The following TNFRSF9 variants were observed in gnomAD, a reference collection of about 807,000 sequenced individuals.
The protein encoded by TNFRSF9 is tumor necrosis factor receptor superfamily member 9.
Under a neutral mutation model 28.8 loss-of-function variants are expected in TNFRSF9, and 16 were observed. The observed-to-expected ratio is 0.55, with a 90% CI of 0.38 to 0.84. TNFRSF9 has a LOEUF of 0.84. TNFRSF9 is among the 40% of genes least tolerant of loss of function. TNFRSF9 has a pLI of 0.00. For missense variants in TNFRSF9, 303 were observed against 315.0 expected (o/e 0.96, Z 0.29); for synonymous variants, 131 against 117.0 (o/e 1.12, Z -0.77).
intron 5 of TNFRSF9, among the ~76,000 whole-genome samples, chr1:7,937,332 A>G (rs955802940): frequency 3.9e-5 from 6 of 152,048 alleles, no homozygotes; most frequent in African/African-American, 1.4e-4. Flanking sequence ...ATGCCTGGCT[A>G]ATTTTTTGAT....
At chr1:7,927,086 G>A (rs1351462707) in intron 7 of TNFRSF9, among the ~76,000 whole-genome samples, 1 of 151,942 alleles carries the variant, frequency 6.6e-6, no homozygotes, top group Non-Finnish European at 1.5e-5. Context: ...ACCCAGGCAT[G>A]CAGAGAGCCA....
chr1:7,936,745 G>A (rs76556415), intron 5 of TNFRSF9, among the ~76,000 whole-genome samples: 2 of 152,092 alleles, frequency 1.3e-5, no homozygotes, highest in Non-Finnish European at 2.9e-5. Context: ...AACGGAAAAA[G>A]AACAAATACA....
At chr1:7,925,748 C>G (rs572574431) in intron 7 of TNFRSF9, among the ~76,000 whole-genome samples, 3 of 152,066 alleles carry the variant, frequency 2.0e-5, no homozygotes, top group Non-Finnish European at 4.4e-5. Flanking sequence ...CTCGATCCCT[C>G]GTATGCGCAG....
chr1:7,925,265 G>A (rs899004149), intron 7 of TNFRSF9, among the ~76,000 whole-genome samples: 8 of 150,588 alleles, frequency 5.3e-5, no homozygotes, highest in Non-Finnish European at 1.0e-4. Context: ...CCAAGATCTC[G>A]CCACTGCATT....
At chr1:7,928,150 G>A (rs1298115034) in intron 7 of TNFRSF9, among the ~76,000 whole-genome samples, 1 of 152,136 alleles carries the variant, frequency 6.6e-6, no homozygotes, top group Admixed American at 6.6e-5. Flanking sequence ...TAAAAATTGT[G>A]GCAATGCAAA....
chr1:7,939,890 C>T lies in TNFRSF9; in HGVS notation c.100+5G>A, dbSNP rs773125491. On this transcript the variant is annotated splice_donor_5th_base_variant and intron_variant, in intron 2 of 7. Coordinates refer to ENST00000377507, the MANE Select transcript of TNFRSF9 (RefSeq NM_001561.6). ...ATCAAATGCACATGATAACTGGGTA[C>T]TCACCAGCTGGGCAGTTACTACAAG... 6.3e-7 allele frequency: 1 copy of T among 1,591,238 alleles called. No homozygotes were observed. The highest frequency in any genetic ancestry group is 8.6e-7 in the Non-Finnish European group (1 of 1,161,878).
chr1:7,927,308 G>A (rs920193626), intron 7 of TNFRSF9, among the ~76,000 whole-genome samples: 5 of 152,280 alleles, frequency 3.3e-5, no homozygotes, highest in Admixed American at 2.6e-4. Context: ...AGCCTGCTGT[G>A]AACCAAACAC....
At chr1:7,929,145 T>G (rs2151415553) in intron 7 of TNFRSF9, among the ~76,000 whole-genome samples, 1 of 135,708 alleles carries the variant, frequency 7.4e-6, no homozygotes, top group South Asian at 2.3e-4. Context: ...AGTTTTTCTT[T>G]TTTTTCTTTT....
At position 7,926,272 on chromosome 1, in the gene TNFRSF9, C is replaced by T. The variant is rs9658026; in HGVS notation, c.680-5349G>A. On this transcript the variant is annotated intron_variant, in intron 7 of 7. Transcript: ENST00000377507. ...TAGCTACACAAATACCATTATGTTA[C>T]AGTTGCCTATGGTATTCGGTACAGT... is the stretch of plus-strand genomic sequence containing the variant. Among the ~76,000 whole-genome samples the T allele has an allele frequency of 9.4e-3, 1,430 of 152,288 alleles. 27 individuals are homozygous for T. Among genetic ancestry groups the T allele is most frequent in the African/African-American group, 0.033 (1,363 of 41,552 alleles).
chr1:7,925,079 C>G (rs933617710), intron 7 of TNFRSF9, among the ~76,000 whole-genome samples: 1 of 151,908 alleles, frequency 6.6e-6, no homozygotes, highest in Admixed American at 6.6e-5. Context: ...TTTGGGAGGC[C>G]GAGGTGGGCA....
In TNFRSF9 at chr1:7,938,815, A is replaced by T. The variant is rs1639859707; in HGVS notation, c.114T>A (p.Asp38Glu). ...GACTGCAAATCTGATTCCTGTTATT[A>T]TCACAGAATGTACCTAAGAAAGGCA... ...CSNCPAGTFCDNNRNQICSPC... is the reference protein window; with the variant it reads ...CSNCPAGTFCENNRNQICSPC... The change falls in exon 3 of 8, where the codon GAT (aspartate) becomes GAA (glutamate). Residue 38 changes from aspartate (D) to glutamate (E), a missense_variant. By Grantham distance (45) the Asp-to-Glu change is conservative. Transcript: ENST00000377507. 3 of 1,612,906 alleles carry T rather than the reference A, an allele frequency of 1.9e-6. No individual in the cohort carries two copies. Among genetic ancestry groups the T allele is most frequent in the Non-Finnish European group, 2.5e-6 (3 of 1,179,202 alleles).
At chr1:7,921,065 G>T in intron 7 of TNFRSF9, 142 bp from the exon 8 acceptor site, 1 of 635,392 alleles carries the variant, frequency 1.6e-6, no homozygotes, top group Non-Finnish European at 2.7e-6. Context: ...GCCAGGCGTG[G>T]TGGCTCATGC....
chr1:7,928,268 G>C (rs1003912426), intron 7 of TNFRSF9, among the ~76,000 whole-genome samples: 2 of 152,152 alleles, frequency 1.3e-5, no homozygotes, highest in Non-Finnish European at 2.9e-5. Flanking sequence ...CAAACATATA[G>C]CCCAGCAATT....
intron 5 of TNFRSF9, among the ~76,000 whole-genome samples, chr1:7,936,069 T>C (rs1257331187): frequency 6.6e-6 from 1 of 152,178 alleles, no homozygotes; most frequent in East Asian, 1.9e-4. Context: ...CATTTTTCCA[T>C]GCAGACTCAC....
intron 3 of TNFRSF9, 130 bp from the exon 4 acceptor site, chr1:7,938,460 T>G: frequency 9.1e-7 from 1 of 1,095,200 alleles, no homozygotes; most frequent in Non-Finnish European, 1.2e-6. Flanking sequence ...AAAGTTTACT[T>G]TTAAATCTCC....
chr1:7,931,908 C>T (rs1240302138), intron 7 of TNFRSF9, among the ~76,000 whole-genome samples: 1 of 152,224 alleles, frequency 6.6e-6, no homozygotes, highest in Non-Finnish European at 1.5e-5. Context: ...CTTTGGGAGG[C>T]TGAGGCGGGC....
chr1:7,935,273 G>A (rs1035211651), intron 5 of TNFRSF9, 130 bp from the exon 6 acceptor site: 10 of 1,001,524 alleles, frequency 1.0e-5, no homozygotes, highest in African/African-American at 5.0e-5. Flanking sequence ...GTTCGAAAGC[G>A]ATGCAAAGAT....
intron 6 of TNFRSF9, 75 bp from the exon 7 acceptor site, chr1:7,933,371 T>G: frequency 6.8e-7 from 1 of 1,472,332 alleles, no homozygotes; most frequent in Non-Finnish European, 9.2e-7. Flanking sequence ...ATATTTACAT[T>G]GGTAAATTTC....
intron 5 of TNFRSF9, among the ~76,000 whole-genome samples, chr1:7,935,690 C>T (rs1442912424): frequency 1.3e-5 from 2 of 152,104 alleles, no homozygotes; most frequent in African/African-American, 4.8e-5. Flanking sequence ...CAAAAATTAA[C>T]TGATGGTGCA....
Sources: gnomAD v4.1 joint callset for allele counts (sites outside exome capture counted in the v4.1 genomes callset) on GRCh38, gnomAD v4.1.1 for gene constraint, MANE v1.5 for transcripts, NCBI Gene and HGNC (gene_info 2026-07-23, HGNC 2026-07-21) for gene names.